ENPP3: variants seen among roughly 807,000 people sequenced by gnomAD.
The protein encoded by ENPP3 is ectonucleotide pyrophosphatase/phosphodiesterase family member 3.
A neutral mutation model predicts 117.8 loss-of-function variants in ENPP3; 104 were observed. The observed-to-expected ratio is 0.88, with a 90% confidence interval of 0.75 to 1.04. ENPP3 has a LOEUF of 1.04. Among genes scored for constraint, ENPP3 ranks in the 50% least tolerant of loss-of-function variants. ENPP3 has a pLI of 0.00. For missense variants in ENPP3, 1,026 were observed against 1,051.9 expected, an observed-to-expected ratio of 0.98 and a Z score of 0.34; for synonymous variants, 380 against 349.9, an observed-to-expected ratio of 1.09 and a Z score of -0.96.
At position 131,733,651 on chromosome 6, in the gene ENPP3, CCTT is replaced by C. The variant is rs1191872418; in HGVS notation, c.2020_2022del (p.Ser674del). The C allele has an allele frequency of 6.2e-7, 1 of 1,614,120 alleles. No homozygotes were observed. Among genetic ancestry groups the C allele is most frequent in the Non-Finnish European group, 8.5e-7 (1 of 1,179,990 alleles). On this transcript the variant is annotated inframe_deletion, in exon 21 of 25. Transcript: ENST00000357639. Reference sequence around the variant, plus strand: ...TCTGCGGGCTGATGTCAGGGTTCCTCCTTCTGAGAGCCAAAAATGTTCCTTCTA... The same window carrying C: ...TCTGCGGGCTGATGTCAGGGTTCCTCCTGAGAGCCAAAAATGTTCCTTCTA...
chr6:131,654,611 T>G (rs1446410150), intron 5 of ENPP3, among the ~76,000 whole-genome samples: 1 of 152,102 alleles, frequency 6.6e-6, no homozygotes, highest in East Asian at 1.9e-4. Context: ...CTCAGCTAAT[T>G]CATTTATTTT....
At chr6:131,678,962 C>CTTTCTTTCT (rs1562446616) in intron 11 of ENPP3, among the ~76,000 whole-genome samples, 289 of 41,154 alleles carry the variant, frequency 7.0e-3, no homozygotes, top group East Asian at 0.014. Flanking sequence ...TCTTTCTTTC[C>CTTTCTTTCT]TTCCTTCCTT....
intron 6 of ENPP3, among the ~76,000 whole-genome samples, chr6:131,667,007 T>C (rs1005487677): frequency 1.3e-5 from 2 of 152,110 alleles, no homozygotes; most frequent in African/African-American, 2.4e-5. Flanking sequence ...GTGAAACTTA[T>C]CTTGGAAGGA....
At chr6:131,732,337 G>A (rs915403029) in intron 20 of ENPP3, among the ~76,000 whole-genome samples, 6 of 152,098 alleles carry the variant, frequency 3.9e-5, no homozygotes, top group Admixed American at 1.3e-4. Context: ...TTAAATACTC[G>A]AGTTAGGCAG....
chr6:131,679,735 G>A (rs1223337845), intron 11 of ENPP3, among the ~76,000 whole-genome samples: 1 of 152,118 alleles, frequency 6.6e-6, no homozygotes, highest in African/African-American at 2.4e-5. Context: ...ATTGAGGAAA[G>A]AGCTGTGCAC....
chr6:131,740,953 A>G (rs1361568158), intron 24 of ENPP3, among the ~76,000 whole-genome samples: 1 of 152,180 alleles, frequency 6.6e-6, no homozygotes, highest in East Asian at 1.9e-4. Flanking sequence ...TCCCAATGTT[A>G]GCACTAAATT....
At chr6:131,745,325 G>A (rs1780614043) in intron 24 of ENPP3, among the ~76,000 whole-genome samples, 3 of 151,424 alleles carry the variant, frequency 2.0e-5, no homozygotes, top group Admixed American at 2.0e-4. Flanking sequence ...TAATGGTTAG[G>A]AACAAAAAGT....
intron 21 of ENPP3, among the ~76,000 whole-genome samples, chr6:131,736,696 T>G (rs1300721861): frequency 6.6e-6 from 1 of 152,212 alleles, no homozygotes; most frequent in African/African-American, 2.4e-5. Context: ...AACATTATTA[T>G]TTTGTGCACA....
intron 15 of ENPP3, among the ~76,000 whole-genome samples, chr6:131,695,122 T>C (rs1779376781): frequency 6.6e-6 from 1 of 152,082 alleles, no homozygotes; most frequent in Non-Finnish European, 1.5e-5. Context: ...CTCTAGAAAG[T>C]ATTTTCCTTA....
At chr6:131,678,329 T>TCCC (rs1458707080) in intron 11 of ENPP3, among the ~76,000 whole-genome samples, 1 of 152,238 alleles carries the variant, frequency 6.6e-6, no homozygotes, top group East Asian at 1.9e-4. Context: ...GGCTGTCTAC[T>TCCC]CCCCGACAGT....
chr6:131,738,228 T>A, intron 23 of ENPP3, 65 bp downstream of exon 23: 1 of 1,291,816 alleles, frequency 7.7e-7, no homozygotes, highest in Non-Finnish European at 1.1e-6. Flanking sequence ...ATATTTTAAG[T>A]AAAGCTCAGT....
chr6:131,689,962 G>A (rs1779241969), intron 14 of ENPP3, among the ~76,000 whole-genome samples: 1 of 152,152 alleles, frequency 6.6e-6, no homozygotes, highest in Non-Finnish European at 1.5e-5. Flanking sequence ...AAGAGAACTA[G>A]AATCAGAAAT....
chr6:131,673,680 G>T lies in ENPP3; in HGVS notation c.643-482G>T, dbSNP rs114472210. Among the ~76,000 whole-genome samples the T allele has an allele frequency of 5.6e-3, 836 of 149,732 alleles. 6 individuals carry two copies. The highest frequency in any genetic ancestry group is 0.018 in the African/African-American group (707 of 39,988). On this transcript the variant is annotated intron_variant, in intron 7 of 24. Transcript: ENST00000357639. ...TACCCCCAAACCTAAAATAAAAGTG[G>T]AAGAAAGAGAGAAAGAAAAGACAGA...
chr6:131,734,124 T>C (rs1308696543), intron 21 of ENPP3, among the ~76,000 whole-genome samples: 3 of 151,992 alleles, frequency 2.0e-5, no homozygotes, highest in Non-Finnish European at 4.4e-5. Flanking sequence ...GCAGAACATG[T>C]ACTAAAATAG....
At chr6:131,681,978 G>A (rs1020415918) in intron 11 of ENPP3, among the ~76,000 whole-genome samples, 6 of 151,922 alleles carry the variant, frequency 3.9e-5, no homozygotes, top group Non-Finnish European at 5.9e-5. Context: ...GATTATAGGT[G>A]CCTGCCAGCA....
intron 24 of ENPP3, 147 bp downstream of exon 24, chr6:131,740,527 C>T (rs1780506667): frequency 3.9e-6 from 2 of 518,120 alleles, no homozygotes; most frequent in Non-Finnish European, 6.6e-6. Flanking sequence ...TTAGGCTTTT[C>T]CTTAGGCTAT....
At chr6:131,658,957 T>C (rs1274306861) in intron 6 of ENPP3, among the ~76,000 whole-genome samples, 1 of 152,252 alleles carries the variant, frequency 6.6e-6, no homozygotes, top group Non-Finnish European at 1.5e-5. Flanking sequence ...TCTTCATCTG[T>C]GAAATGGTGA....
In ENPP3 at chr6:131,724,612, T is replaced by G. The variant is rs1232347482; in HGVS notation, c.1798+521T>G. On this transcript the variant is annotated intron_variant, in intron 19 of 24. Coordinates refer to ENST00000357639, the MANE Select transcript of ENPP3 (RefSeq NM_005021.5). ...TGTATTAAACTCACTCTGTTTCAGT[T>G]TCATCGCTTATAAGGGGATACCTAC... Among the ~76,000 whole-genome samples, 4 of 152,316 alleles carry G rather than the reference T, an allele frequency of 2.6e-5. No individual in the cohort carries two copies. In the East Asian group the frequency reaches 5.8e-4, roughly 22 times the overall value.
chr6:131,650,271 G>A, intron 3 of ENPP3, 122 bp downstream of exon 3: 1 of 1,042,598 alleles, frequency 9.6e-7, no homozygotes, highest in Non-Finnish European at 1.4e-6. Flanking sequence ...CTAGGCTGGA[G>A]TGCAGTGGCA....
Sources: allele counts gnomAD v4.1 joint callset (sites outside exome capture counted in the v4.1 genomes callset), GRCh38; gene constraint gnomAD v4.1.1; transcripts MANE v1.5; gene names NCBI Gene and HGNC (gene_info 2026-07-23, HGNC 2026-07-21).